The following LYPD6B variants were observed in gnomAD, a reference collection of about 807,000 sequenced individuals.
LYPD6B encodes the protein LY6/PLAUR domain containing 6B, also known as ly6/PLAUR domain-containing protein 6B.
In LYPD6B, 17 loss-of-function variants were observed where a neutral mutation model predicts 22.8. The ratio of observed to expected loss-of-function variants is 0.75; its 90% CI spans 0.51 to 1.12. The LOEUF (loss-of-function observed/expected upper bound fraction) is 1.12, where lower values mean the gene tolerates loss of function less well. Ranked by LOEUF, LYPD6B falls within the 50% of genes most tolerant of loss-of-function variation. The pLI is 0.00. For missense variants in LYPD6B, 221 were observed against 258.3 expected, an observed-to-expected ratio of 0.86 and a Z score of 0.99; for synonymous variants, 106 against 91.6, an observed-to-expected ratio of 1.16 and a Z score of -0.90.
chr2:149,084,821 C>G (rs534148432), intron 1 of LYPD6B, among the ~76,000 whole-genome samples: 1 of 152,276 alleles, frequency 6.6e-6, no homozygotes, highest in Non-Finnish European at 1.5e-5. Context: ...CCCATAGACT[C>G]TTAGCCTTGT....
chr2:149,147,650 A>T (rs903850336), intron 2 of LYPD6B, among the ~76,000 whole-genome samples: 4 of 152,060 alleles, frequency 2.6e-5, no homozygotes, highest in African/African-American at 9.7e-5. Context: ...AGTAGCTGGG[A>T]TTACAGATGA....
intron 2 of LYPD6B, among the ~76,000 whole-genome samples, chr2:149,159,565 C>T (rs896220879): frequency 4.0e-5 from 6 of 150,000 alleles, no homozygotes; most frequent in South Asian, 2.1e-4. Flanking sequence ...TTCAGAGAAC[C>T]CTGCCCGAGA....
intron 1 of LYPD6B, among the ~76,000 whole-genome samples, chr2:149,078,720 C>A (rs1684985540): frequency 6.6e-6 from 1 of 152,160 alleles, no homozygotes; most frequent in Non-Finnish European, 1.5e-5. Context: ...AAAGACCAAC[C>A]TATACAGCCA....
At chr2:149,065,123 A>G (rs1045126552) in intron 1 of LYPD6B, among the ~76,000 whole-genome samples, 6 of 152,242 alleles carry the variant, frequency 3.9e-5, no homozygotes, top group South Asian at 2.1e-4. Context: ...TGGGCAGCTC[A>G]TGAAGTGTAT....
At chr2:149,130,812 C>T in intron 1 of LYPD6B, 71 bp from the exon 2 acceptor site, 2 of 717,338 alleles carry the variant, frequency 2.8e-6, no homozygotes, top group Non-Finnish European at 4.9e-6. Flanking sequence ...CCCCTACTTA[C>T]TTAAAATCCC....
intron 3 of LYPD6B, among the ~76,000 whole-genome samples, chr2:149,168,717 C>T (rs538345503): frequency 6.6e-6 from 1 of 152,320 alleles, no homozygotes; most frequent in South Asian, 2.1e-4. Flanking sequence ...GTGGTGCCAC[C>T]AGATAGACAA....
At chr2:149,151,842 C>G (rs1299898193) in intron 2 of LYPD6B, among the ~76,000 whole-genome samples, 1 of 152,160 alleles carries the variant, frequency 6.6e-6, no homozygotes, top group Non-Finnish European at 1.5e-5. Flanking sequence ...CACCTCAGCT[C>G]CAAAGCCTTC....
At chr2:149,126,677 A>C (rs1251510546) in intron 1 of LYPD6B, among the ~76,000 whole-genome samples, 1 of 152,182 alleles carries the variant, frequency 6.6e-6, no homozygotes, top group Non-Finnish European at 1.5e-5. Flanking sequence ...GTGTCGTTCA[A>C]GGGTCAACCA....
chr2:149,085,034 C>T (rs1685322861), intron 1 of LYPD6B, among the ~76,000 whole-genome samples: 1 of 152,210 alleles, frequency 6.6e-6, no homozygotes, highest in African/African-American at 2.4e-5. Flanking sequence ...ACAAAAATTG[C>T]TTACCAGTTA....
chr2:149,200,811 T>C (rs1051010519), intron 3 of LYPD6B: 4 of 152,312 alleles, frequency 2.6e-5, no homozygotes, highest in African/African-American at 9.6e-5. Context: ...GAGTTGCCCA[T>C]CCCTTCTGTA....
At chr2:149,087,639 G>A (rs949572939) in intron 1 of LYPD6B, among the ~76,000 whole-genome samples, 1 of 152,104 alleles carries the variant, frequency 6.6e-6, no homozygotes, top group Admixed American at 6.6e-5. Context: ...GAGGCACTTT[G>A]CCAGAATTTT....
At chr2:149,116,574 C>T (rs185768976) in intron 1 of LYPD6B, among the ~76,000 whole-genome samples, 188 of 152,214 alleles carry the variant, frequency 1.2e-3, no homozygotes, top group Non-Finnish European at 2.1e-3. Flanking sequence ...CCACTTTGAC[C>T]CTTTTCTCAT....
At chr2:149,132,347 G>A (rs967152445) in intron 2 of LYPD6B, among the ~76,000 whole-genome samples, 3 of 151,122 alleles carry the variant, frequency 2.0e-5, no homozygotes, top group Admixed American at 1.3e-4. Context: ...CATGTACCAT[G>A]ATTTGGTTTC....
chr2:149,100,386 A>G (rs1345332113), intron 1 of LYPD6B, among the ~76,000 whole-genome samples: 4 of 143,894 alleles, frequency 2.8e-5, no homozygotes, highest in Admixed American at 7.4e-5. Flanking sequence ...TTCTAAAAGC[A>G]TAAGTTAGGT....
At position 149,208,247 on chromosome 2, in the gene LYPD6B, C is replaced by G. The variant is rs147279585; in HGVS notation, c.230-67C>G. 50 of 1,070,590 alleles carry G rather than the reference C, an allele frequency of 4.7e-5. No individual in the cohort carries two copies. The East Asian group carries it at 1.1e-3, about 24-fold the overall frequency. 66.3% of individuals were successfully genotyped at this position (1,070,590 alleles called of 1,614,324 possible). A position where few individuals can be genotyped will look rare whatever the true frequency, so the allele number is the denominator to read the frequency against. On this transcript the variant is annotated intron_variant, in intron 4 of 6. Coordinates refer to ENST00000409642, the MANE Select transcript of LYPD6B (RefSeq NM_177964.5). ...ATCTGTTAAAGTTGCTCATTTTGTA[C>G]CATGTTTGATGTTCGAAATTTTTGT...
chr2:149,206,571 A>G (rs565231231), intron 4 of LYPD6B, among the ~76,000 whole-genome samples: 57 of 152,262 alleles, frequency 3.7e-4, no homozygotes, highest in Admixed American at 6.5e-4. Context: ...TAAGCTTAGT[A>G]CAATTTTATG....
chr2:149,090,998 A>C (rs1403670603), intron 1 of LYPD6B, among the ~76,000 whole-genome samples: 1 of 152,142 alleles, frequency 6.6e-6, no homozygotes, highest in African/African-American at 2.4e-5. Flanking sequence ...AAAATACGTG[A>C]GTGCCCTGCA....
Position 149,214,732 on chromosome 2 carries a change from C to T in LYPD6B, c.*22C>T. 1 of 1,613,016 alleles carries T rather than the reference C, an allele frequency of 6.2e-7. No individual in the cohort carries two copies. The highest frequency in any genetic ancestry group is 1.3e-5 in the African/African-American group (1 of 75,034). On this transcript the variant is annotated 3_prime_UTR_variant, in exon 7 of 7. Coordinates refer to ENST00000409642, the MANE Select transcript of LYPD6B (RefSeq NM_177964.5). ...GTGATGCCACCATTCCTAGGAGAGG[C>T]AGAGACCAGCCTCTAAAGCACAAGC...
rs567128434 is a variant in LYPD6B at position 149,102,987 on chromosome 2, G to A, written c.-66-27896G>A. ...TCCTTTTATATGTCCCTCTGTGTCC[G>A]TGTCCTTCACTGTCTCTCAGTCTTC... On this transcript the variant is annotated intron_variant, in intron 1 of 6. Coordinates refer to ENST00000409642, the MANE Select transcript of LYPD6B (RefSeq NM_177964.5). Among the ~76,000 whole-genome samples the A allele has an allele frequency of 3.9e-5, 6 of 152,256 alleles. No homozygotes were observed. The East Asian group carries it at 7.7e-4, about 20-fold the overall frequency.
Sources: gnomAD v4.1 joint callset for allele counts (sites outside exome capture counted in the v4.1 genomes callset) on GRCh38, gnomAD v4.1.1 for gene constraint, MANE v1.5 for transcripts, NCBI Gene and HGNC (gene_info 2026-07-23, HGNC 2026-07-21) for gene names.